The following SMC3 variants were observed in gnomAD, a reference collection of about 807,000 sequenced individuals.
SMC3 encodes structural maintenance of chromosomes 3.
A neutral mutation model predicts 171.8 loss-of-function variants in SMC3; 20 were observed. That is an observed-to-expected ratio of 0.12 (90% CI 0.08 to 0.17). SMC3 has a LOEUF of 0.17. Among genes scored for constraint, SMC3 ranks in the 10% least tolerant of loss-of-function variants. The probability of loss-of-function intolerance (pLI) is 1.00; values close to 1 mark genes in which losing one functional copy is unlikely to be tolerated. For missense variants in SMC3, 543 were observed against 1,420.4 expected, an observed-to-expected ratio of 0.38 and a Z score of 9.93; for synonymous variants, 464 against 451.1, an observed-to-expected ratio of 1.03 and a Z score of -0.36.
At chr10:110,573,303 A>G (rs1214480199) in intron 2 of SMC3, among the ~76,000 whole-genome samples, 1 of 152,166 alleles carries the variant, frequency 6.6e-6, no homozygotes, top group Non-Finnish European at 1.5e-5. Context: ...ACATGAGAAC[A>G]CTTTAAGGAT....
intron 2 of SMC3, among the ~76,000 whole-genome samples, chr10:110,572,978 C>T (rs1860893906): frequency 2.6e-5 from 4 of 152,130 alleles, no homozygotes. Context: ...CTGTGTCTGT[C>T]ATATGCGTTT....
intron 8 of SMC3, 41 bp downstream of exon 8, chr10:110,581,062 T>G: frequency 8.9e-7 from 1 of 1,126,712 alleles, no homozygotes; most frequent in Non-Finnish European, 1.4e-6. Flanking sequence ...TTGTTGCAAA[T>G]TACTGTTTTT....
chr10:110,575,997 T>G (rs1860942257), intron 4 of SMC3, among the ~76,000 whole-genome samples: 1 of 152,170 alleles, frequency 6.6e-6, no homozygotes, highest in African/African-American at 2.4e-5. Context: ...TGTACTTAGA[T>G]AGTAAACATC....
chr10:110,589,267 T>G (rs1235392841), intron 13 of SMC3, among the ~76,000 whole-genome samples: 4 of 152,158 alleles, frequency 2.6e-5, no homozygotes, highest in Admixed American at 1.3e-4. Flanking sequence ...AATTGGATTT[T>G]TCAACAGCAT....
intron 11 of SMC3, 81 bp downstream of exon 11, chr10:110,583,629 T>C (rs1861064389): frequency 6.8e-7 from 1 of 1,471,210 alleles, no homozygotes; most frequent in African/African-American, 1.4e-5. Context: ...CTGTGACTGG[T>C]GTGTGTTGGA....
At chr10:110,576,091 A>G (rs747750999) in intron 4 of SMC3, among the ~76,000 whole-genome samples, 8 of 152,216 alleles carry the variant, frequency 5.3e-5, no homozygotes, top group Non-Finnish European at 1.0e-4. Context: ...AACTGAAAAT[A>G]CCATAAGTCA....
intron 19 of SMC3, 25 bp downstream of exon 19, chr10:110,596,575 G>T (rs1861303844): frequency 6.2e-7 from 1 of 1,605,976 alleles, no homozygotes; most frequent in South Asian, 1.1e-5. Flanking sequence ...TGTGCATAGT[G>T]ATAGATATTG....
chr10:110,568,323 T>G, intron 1 of SMC3: 1 of 181,634 alleles, frequency 5.5e-6, no homozygotes, highest in Non-Finnish European at 1.1e-5. Context: ...CGGGGAGCCG[T>G]TCTTCTCCCC....
Position 110,582,097 on chromosome 10 carries a change from A to C in SMC3, c.722A>C (p.Glu241Ala). 6.2e-7 allele frequency: 1 copy of C among 1,612,024 alleles called. No homozygotes were observed. The highest frequency in any genetic ancestry group is 8.5e-7 in the Non-Finnish European group (1 of 1,178,204). ...ELNETRAKLD[E>A]LSAKRETSGE... is the part of the protein sequence containing the mutation. ...AACGAGACTCGTGCCAAACTTGATG[A>C]GGTAAAATATTTACCTGTGACACTT... Residue 241 changes from glutamate to alanine, a missense_variant and splice_region_variant, in exon 9 of 29, where the codon GAG (glutamate) becomes GCG (alanine). Coordinates refer to ENST00000361804, the MANE Select transcript of SMC3 (RefSeq NM_005445.4).
In SMC3 at chr10:110,568,298, C is replaced by T. The variant is rs1860813279; in HGVS notation, c.15+467C>T. 4 of 185,576 alleles carry T rather than the reference C, an allele frequency of 2.2e-5. No homozygotes were observed. The South Asian group carries it at 4.9e-4, about 23-fold the overall frequency. 11.5% of individuals were successfully genotyped at this position (185,576 alleles called of 1,614,324 possible). On this transcript the variant is annotated intron_variant, in intron 1 of 28. Transcript: ENST00000361804. Reference sequence around the variant, plus strand: ...GCCCTGGGGGCATTGGCTGGGGTGTCGTCACCTGTCACTGCGGGGAGCCGT... The same window carrying T: ...GCCCTGGGGGCATTGGCTGGGGTGTTGTCACCTGTCACTGCGGGGAGCCGT...
Position 110,602,259 on chromosome 10 carries a change from C to CT in SMC3, c.3105+82dup, listed in dbSNP as rs1174219268. On this transcript the variant is annotated intron_variant, in intron 25 of 28. Transcript: ENST00000361804. The stretch of plus-strand genomic sequence containing the variant: ...TTTTCAGTTTGTAAAGATTTTAAAG[C>CT]TGTTTTCCTCATTACCAGGTGAATC... 3.6e-5 allele frequency: 48 copies of CT among 1,332,476 alleles called. No homozygotes were observed. In the South Asian group the frequency reaches 3.7e-4, roughly 10 times the overall value. 82.5% of individuals were successfully genotyped at this position (1,332,476 alleles called of 1,614,324 possible). A position where few individuals can be genotyped will look rare whatever the true frequency, so the allele number is the denominator to read the frequency against.
chr10:110,580,736 A>G (rs1257662957), intron 7 of SMC3, among the ~76,000 whole-genome samples, 168 bp from the exon 8 acceptor site: 5 of 152,218 alleles, frequency 3.3e-5, no homozygotes, highest in African/African-American at 1.2e-4. Flanking sequence ...TATAAATGCA[A>G]ATATTCCAAA....
At chr10:110,598,910 T>A (rs1038299080) in intron 20 of SMC3, among the ~76,000 whole-genome samples, 4 of 152,312 alleles carry the variant, frequency 2.6e-5, no homozygotes, top group Non-Finnish European at 5.9e-5. Flanking sequence ...AGTTGAATAT[T>A]TGATTCCGTT....
At chr10:110,577,341 A>G in intron 4 of SMC3, 80 bp from the exon 5 acceptor site, 1 of 1,047,332 alleles carries the variant, frequency 9.5e-7, no homozygotes, top group Non-Finnish European at 1.5e-6. Context: ...ACTTGTTATT[A>G]TGCCCTAGAC....
chr10:110,598,358 C>T, intron 20 of SMC3, 68 bp downstream of exon 20: 2 of 1,434,888 alleles, frequency 1.4e-6, no homozygotes, highest in South Asian at 1.1e-5. Flanking sequence ...ATGAATCATA[C>T]ATTATATGGG....
rs552024882 is a variant in SMC3, at chr10:110,598,349, T to C, written c.2268+59T>C. Reference sequence around the variant, plus strand: ...GTTACAGATTAATAATATGGAAATATGAATCATACATTATATGGGTTATCC... The same window carrying C: ...GTTACAGATTAATAATATGGAAATACGAATCATACATTATATGGGTTATCC... On this transcript the variant is annotated intron_variant, in intron 20 of 28. Coordinates refer to ENST00000361804, the MANE Select transcript of SMC3 (RefSeq NM_005445.4). The C allele has an allele frequency of 1.3e-5, 20 of 1,491,810 alleles. No homozygotes were observed. The African/African-American group carries it at 2.5e-4, about 18-fold the overall frequency. 92.4% of individuals were successfully genotyped at this position (1,491,810 alleles called of 1,614,324 possible). A position where few individuals can be genotyped will look rare whatever the true frequency, so the allele number is the denominator to read the frequency against.
chr10:110,603,923 C>T (rs905590646), intron 28 of SMC3, among the ~76,000 whole-genome samples: 18 of 151,684 alleles, frequency 1.2e-4, no homozygotes, highest in Non-Finnish European at 2.2e-4. Context: ...GTGAAACCCC[C>T]GTCTCTACTA....
chr10:110,583,046 C>T (rs1861056100), intron 10 of SMC3, among the ~76,000 whole-genome samples: 1 of 151,858 alleles, frequency 6.6e-6, no homozygotes, highest in South Asian at 2.1e-4. Context: ...ATCCTCCCAC[C>T]TCAGCCTCCT....
At position 110,605,358 on chromosome 10, in the gene SMC3, A is replaced by G. The variant is rs977473861; in HGVS notation, c.*1056A>G. 1.2e-4 allele frequency among the ~76,000 whole-genome samples: 19 copies of G among 152,066 alleles called. No homozygotes were observed. The highest frequency in any genetic ancestry group is 8.5e-4 in the Admixed American group (13 of 15,276). The stretch of plus-strand genomic sequence containing the variant: ...AGATTCTTTGAGATTTTCTACATAG[A>G]CAGTCATGTCATTTGCAAGAAAGAG... On this transcript the variant is annotated 3_prime_UTR_variant, in exon 29 of 29. Transcript: ENST00000361804.
Sources: gnomAD v4.1 joint callset for allele counts (sites outside exome capture counted in the v4.1 genomes callset) on GRCh38, gnomAD v4.1.1 for gene constraint, MANE v1.5 for transcripts, NCBI Gene and HGNC (gene_info 2026-07-23, HGNC 2026-07-21) for gene names.